CELF1: variants seen among roughly 807,000 people sequenced by gnomAD.
CELF1 encodes CUGBP Elav-like family member 1.
A neutral mutation model predicts 61.8 loss-of-function variants in CELF1; 10 were observed. The observed-to-expected ratio is 0.16, with a 90% confidence interval of 0.10 to 0.27. CELF1 has a LOEUF of 0.27. Among genes scored for constraint, CELF1 ranks in the 10% least tolerant of loss-of-function variants. The pLI, the probability that CELF1 is intolerant of heterozygous loss-of-function variation, is 1.00. For missense variants in CELF1, 380 were observed against 639.1 expected (o/e 0.59, Z 4.37); for synonymous variants, 236 against 225.1 (o/e 1.05, Z -0.43).
chr11:47,539,907 C>T (rs1598348247), intron 1 of CELF1, among the ~76,000 whole-genome samples: 1 of 152,166 alleles, frequency 6.6e-6, no homozygotes, highest in African/African-American at 2.4e-5. Flanking sequence ...GGCTGCATAC[C>T]AGCATCTGAT....
At position 47,472,239 on chromosome 11, in the gene CELF1, C is replaced by T. The variant is rs1258896671; in HGVS notation, c.1536G>A (p.Lys512=). Reference sequence around the variant, plus strand: ...TCAGAGGGGAGCACGCTCAGTAGGGCTTGCTGTCATTCTTCGAACGTTTGA... The same window carrying T: ...TCAGAGGGGAGCACGCTCAGTAGGGTTTGCTGTCATTCTTCGAACGTTTGA... ...VQLKRSKNDS[K]PY The change falls in exon 15 of 15, where the codon AAG becomes AAA. Residue 512 remains lysine, a synonymous_variant. Transcript: ENST00000687097. 1 of 1,613,912 alleles carries T rather than the reference C, an allele frequency of 6.2e-7. No homozygotes were observed. Among genetic ancestry groups the T allele is most frequent in the African/African-American group, 1.3e-5 (1 of 74,912 alleles).
chr11:47,473,288 C>T, intron 13 of CELF1, 57 bp from the exon 14 acceptor site: 1 of 1,499,152 alleles, frequency 6.7e-7, no homozygotes, highest in South Asian at 1.2e-5. Context: ...CGTCGCCCTG[C>T]ACCAGTGATC....
Position 47,477,020 on chromosome 11 carries a change from A to G in CELF1, c.974-61T>C, listed in dbSNP as rs1188943954. On this transcript the variant is annotated intron_variant, in intron 11 of 14. Coordinates refer to ENST00000687097, the MANE Select transcript of CELF1 (RefSeq NM_001376376.1). ...ACTGGCATTCTCGCCAAATACAAGA[A>G]AAAGTGTCACTATCCAAGTATGCTA... 5 of 1,367,320 alleles carry G rather than the reference A, an allele frequency of 3.7e-6. No individual in the cohort carries two copies. In the East Asian group the frequency reaches 6.9e-5, roughly 19 times the overall value. The allele number at this position is 1,367,320 out of a possible 1,614,324, so 84.7% of individuals were successfully genotyped here. A position where few individuals can be genotyped will look rare whatever the true frequency, so the allele number is the denominator to read the frequency against.
intron 1 of CELF1, among the ~76,000 whole-genome samples, chr11:47,529,283 G>A (rs373490234): frequency 1.9e-3 from 286 of 151,580 alleles, no homozygotes; most frequent in Middle Eastern, 3.4e-3. Context: ...AGACGAGGCC[G>A]GGGACAGTGG....
At chr11:47,555,688 A>G (rs1191577370), upstream of CELF1, among the ~76,000 whole-genome samples, 1 of 152,200 alleles carries the variant, frequency 6.6e-6, no homozygotes, top group Non-Finnish European at 1.5e-5. Flanking sequence ...CCTTACAAAT[A>G]GATTAAGATT....
intron 1 of CELF1, among the ~76,000 whole-genome samples, chr11:47,532,401 C>T (rs1361315407): frequency 1.3e-5 from 2 of 152,164 alleles, no homozygotes; most frequent in Non-Finnish European, 2.9e-5. Flanking sequence ...ACTATCTTCC[C>T]TTTGAACTCC....
intron 2 of CELF1, among the ~76,000 whole-genome samples, chr11:47,558,558 TTA>T (rs1491269001): frequency 8.7e-6 from 1 of 115,176 alleles, no homozygotes; most frequent in African/African-American, 3.7e-5. Flanking sequence ...TTATATATAT[TTA>T]TATATAATAT....
At chr11:47,543,036 C>T (rs558683112) in intron 1 of CELF1, among the ~76,000 whole-genome samples, 2 of 152,204 alleles carry the variant, frequency 1.3e-5, no homozygotes, top group East Asian at 3.9e-4. Flanking sequence ...TGGAGGATCG[C>T]TTGAGCCCAA....
intron 1 of CELF1, among the ~76,000 whole-genome samples, chr11:47,544,686 G>GT (rs1402160782): frequency 1.3e-5 from 2 of 152,040 alleles, no homozygotes; most frequent in Non-Finnish European, 2.9e-5. Context: ...ACGTGTTCTG[G>GT]TAACTATAGG....
intron 1 of CELF1, among the ~76,000 whole-genome samples, chr11:47,552,001 G>C (rs1252941145): frequency 6.9e-6 from 1 of 144,308 alleles, no homozygotes; most frequent in East Asian, 2.0e-4. Context: ...CAACAAGAGC[G>C]AAACTCCGTC....
Position 47,483,464 on chromosome 11 carries a change from G to C in CELF1, c.595C>G (p.Gln199Glu). Residue 199 changes from glutamine (Q) to glutamate (E), a missense_variant, in exon 8 of 15, where the codon CAG (glutamine) becomes GAG (glutamate). Gln to Glu is a conservative substitution (Grantham distance 29). Coordinates refer to ENST00000687097, the MANE Select transcript of CELF1 (RefSeq NM_001376376.1). ...QTAIKAMHQA[Q>E]TMEGCSSPMV... The stretch of plus-strand genomic sequence containing the variant: ...TATCTGCTCCCTACCTCCATGGTCT[G>C]TGCTTGGTGCATTGCCTTGATAGCC... 1.9e-6 allele frequency: 3 copies of C among 1,613,940 alleles called. No homozygotes were observed. The highest frequency in any genetic ancestry group is 2.5e-6 in the Non-Finnish European group (3 of 1,179,852).
rs1364262307 is a variant in CELF1 at position 47,483,466 on chromosome 11, G to A, written c.593C>T (p.Ala198Val). The change falls in exon 8 of 15, where the codon GCA (alanine) becomes GTA (valine). Residue 198 changes from alanine to valine, a missense_variant. Physicochemically the swap from Ala to Val is moderately conservative, Grantham distance 64. Coordinates refer to ENST00000687097, the MANE Select transcript of CELF1 (RefSeq NM_001376376.1). ...TCTGCTCCCTACCTCCATGGTCTGT[G>A]CTTGGTGCATTGCCTTGATAGCCGT... is the stretch of plus-strand genomic sequence containing the variant. Reference protein sequence around the residue: ...AQTAIKAMHQAQTMEGCSSPM... With the variant: ...AQTAIKAMHQVQTMEGCSSPM... 1 of 1,613,812 alleles carries A rather than the reference G, an allele frequency of 6.2e-7. No individual in the cohort carries two copies. The highest frequency in any genetic ancestry group is 8.5e-7 in the Non-Finnish European group (1 of 1,179,872).
chr11:47,535,196 C>G (rs1405303738), intron 1 of CELF1, among the ~76,000 whole-genome samples: 2 of 152,058 alleles, frequency 1.3e-5, no homozygotes, highest in African/African-American at 4.8e-5. Context: ...GCACAAATTT[C>G]AAGAGTATCC....
intron 1 of CELF1, among the ~76,000 whole-genome samples, chr11:47,527,547 C>T: frequency 6.6e-6 from 1 of 152,172 alleles, no homozygotes; most frequent in African/African-American, 2.4e-5. Flanking sequence ...AACACAGACC[C>T]TGTCTCTACA....
At chr11:47,543,749 C>T (rs1300488756) in intron 1 of CELF1, among the ~76,000 whole-genome samples, 1 of 147,458 alleles carries the variant, frequency 6.8e-6, no homozygotes, top group Non-Finnish European at 1.5e-5. Context: ...ACCCCTGTCC[C>T]CACCCCGTCT....
At chr11:47,547,849 T>C (rs78867744) in intron 1 of CELF1, among the ~76,000 whole-genome samples, 4,175 of 152,000 alleles carry the variant, frequency 0.027, 188 homozygotes, top group African/African-American at 0.095. Flanking sequence ...AAAGATAGAT[T>C]AGAGGCTACC....
At chr11:47,484,652 C>T in intron 6 of CELF1, 129 bp from the exon 7 acceptor site, 1 of 718,346 alleles carries the variant, frequency 1.4e-6, no homozygotes, top group Non-Finnish European at 2.2e-6. Context: ...CAAAGACACA[C>T]ATTTGTTTTT....
intron 1 of CELF1, among the ~76,000 whole-genome samples, chr11:47,530,037 G>A (rs915640887): frequency 6.6e-6 from 1 of 152,058 alleles, no homozygotes; most frequent in Non-Finnish European, 1.5e-5. Context: ...GTCTGTTACC[G>A]AACCATTTAA....
intron 1 of CELF1, among the ~76,000 whole-genome samples, chr11:47,503,519 AT>A (rs1252278437): frequency 1.3e-5 from 2 of 152,200 alleles, no homozygotes; most frequent in Non-Finnish European, 2.9e-5. Context: ...GTCATTAAAA[AT>A]CACCATCAAT....
Sources: gnomAD v4.1 joint callset for allele counts (sites outside exome capture counted in the v4.1 genomes callset) on GRCh38, gnomAD v4.1.1 for gene constraint, MANE v1.5 for transcripts, NCBI Gene and HGNC (gene_info 2026-07-23, HGNC 2026-07-21) for gene names.